EYS: variants seen among roughly 807,000 people sequenced by gnomAD.
EYS encodes the protein EGF-like photoreceptor maintenance factor, also known as protein eyes shut homolog.
In EYS, 250 loss-of-function variants were observed where a neutral mutation model predicts 282.1. The ratio of observed to expected loss-of-function variants is 0.89; its 90% CI spans 0.80 to 0.98. The LOEUF is 0.98. Ranked by LOEUF, EYS falls within the 50% of genes least tolerant of loss-of-function variation. EYS has a pLI of 0.00. For missense variants in EYS, 4,016 were observed against 3,709.0 expected (o/e 1.08, Z -2.15); for synonymous variants, 1,355 against 1,282.9 (o/e 1.06, Z -1.20).
chr6:64,476,776 A>C (rs2150496256), intron 26 of EYS, among the ~76,000 whole-genome samples: 1 of 152,270 alleles, frequency 6.6e-6, no homozygotes, highest in African/African-American at 2.4e-5. Flanking sequence ...CACTTGTATA[A>C]ATTTTCTGAT....
At chr6:64,097,887 T>C (rs1772686514) in intron 31 of EYS, among the ~76,000 whole-genome samples, 2 of 152,176 alleles carry the variant, frequency 1.3e-5, no homozygotes, top group Non-Finnish European at 2.9e-5. Flanking sequence ...AAAAGAGACA[T>C]TTTGGCAAAA....
chr6:64,465,839 T>C (rs1420376003), intron 26 of EYS, among the ~76,000 whole-genome samples: 3 of 152,044 alleles, frequency 2.0e-5, no homozygotes, highest in Non-Finnish European at 2.9e-5. Flanking sequence ...GAGAAAATAT[T>C]TGGAAACCAT....
chr6:64,717,640 C>A (rs1403196369), intron 22 of EYS, among the ~76,000 whole-genome samples: 1 of 152,142 alleles, frequency 6.6e-6, no homozygotes, highest in African/African-American at 2.4e-5. Context: ...TGAACTGGCA[C>A]CCCTAGTTTA....
At chr6:64,073,685 A>C (rs1156713950) in intron 32 of EYS, among the ~76,000 whole-genome samples, 3 of 151,806 alleles carry the variant, frequency 2.0e-5, no homozygotes, top group African/African-American at 7.2e-5. Flanking sequence ...TGGATTGAGT[A>C]ATCCATATGT....
chr6:63,826,845 C>CAAAAAAAAAAAAAAAAAGAAAAAAAAA (rs1771475400), intron 36 of EYS, among the ~76,000 whole-genome samples: 2 of 76,762 alleles, frequency 2.6e-5, no homozygotes, highest in African/African-American at 5.1e-5. Flanking sequence ...AGTTAAAAAG[C>CAAAAAAAAAAAAAAAAAGAAAAAAAAA]AAAAAAAAAA....
At chr6:65,587,819 G>T (rs1267843935) in intron 2 of EYS, among the ~76,000 whole-genome samples, 5 of 152,036 alleles carry the variant, frequency 3.3e-5, no homozygotes, top group Non-Finnish European at 4.4e-5. Context: ...TTCAATGTAA[G>T]TATAAATTTG....
At chr6:63,735,031 G>C (rs879324708) in intron 41 of EYS, among the ~76,000 whole-genome samples, 12 of 151,978 alleles carry the variant, frequency 7.9e-5, no homozygotes, top group Non-Finnish European at 1.5e-4. Context: ...AAATACAAAA[G>C]AATTGATATT....
At chr6:64,956,661 G>A (rs185710088) in intron 14 of EYS, among the ~76,000 whole-genome samples, 2 of 152,076 alleles carry the variant, frequency 1.3e-5, no homozygotes, top group East Asian at 3.9e-4. Context: ...CAGAATGAGA[G>A]GAAAATTTTT....
chr6:64,097,421 G>T (rs1422364397), intron 31 of EYS, among the ~76,000 whole-genome samples: 1 of 152,148 alleles, frequency 6.6e-6, no homozygotes, highest in Non-Finnish European at 1.5e-5. Context: ...CTTCCTGGCT[G>T]CTTTATTTAC....
intron 19 of EYS, among the ~76,000 whole-genome samples, chr6:64,867,081 C>T (rs940583125): frequency 6.6e-6 from 1 of 151,676 alleles, no homozygotes; most frequent in African/African-American, 2.4e-5. Context: ...AAATTTAGAA[C>T]ATAGCTATCA....
chr6:65,392,043 C>G (rs912559874), intron 7 of EYS, among the ~76,000 whole-genome samples: 10 of 152,074 alleles, frequency 6.6e-5, no homozygotes, highest in Non-Finnish European at 1.5e-4. Context: ...TGATCTTTGA[C>G]AAACCTGAGA....
At chr6:63,879,253 G>A (rs924880888) in intron 35 of EYS, among the ~76,000 whole-genome samples, 9 of 152,120 alleles carry the variant, frequency 5.9e-5, no homozygotes, top group African/African-American at 1.7e-4. Flanking sequence ...ATTATTTGAT[G>A]TATCCATGGA....
At chr6:64,744,699 A>G (rs2149963990) in intron 22 of EYS, among the ~76,000 whole-genome samples, 1 of 152,320 alleles carries the variant, frequency 6.6e-6, no homozygotes, top group East Asian at 1.9e-4. Flanking sequence ...TAGAGTGTAT[A>G]CACTGAAAAA....
At chr6:65,624,330 T>C (rs904091877) in intron 2 of EYS, among the ~76,000 whole-genome samples, 2 of 152,174 alleles carry the variant, frequency 1.3e-5, no homozygotes, top group African/African-American at 4.8e-5. Flanking sequence ...CCTATGAATA[T>C]GTCAGCTTAC....
chr6:65,083,326 G>A (rs1402629704), intron 12 of EYS, among the ~76,000 whole-genome samples: 1 of 151,812 alleles, frequency 6.6e-6, no homozygotes, highest in Admixed American at 6.6e-5. Context: ...TTTAAACAGT[G>A]TATTTTTCTC....
chr6:65,177,296 A>G (rs1480082502), intron 12 of EYS, among the ~76,000 whole-genome samples: 3 of 151,894 alleles, frequency 2.0e-5, no homozygotes, highest in Non-Finnish European at 4.4e-5. Flanking sequence ...ATTGGCCACT[A>G]GAAATAATTT....
intron 12 of EYS, among the ~76,000 whole-genome samples, chr6:65,107,094 A>G (rs1052520888): frequency 2.6e-5 from 4 of 152,026 alleles, no homozygotes; most frequent in African/African-American, 7.2e-5. Context: ...CTCAATAGGT[A>G]AGGGATACAG....
intron 2 of EYS, among the ~76,000 whole-genome samples, chr6:65,618,074 G>A (rs2149799492): frequency 6.6e-6 from 1 of 152,226 alleles, no homozygotes; most frequent in South Asian, 2.1e-4. Context: ...ACCCAGTAAT[G>A]GGATGGCTGG....
intron 5 of EYS, among the ~76,000 whole-genome samples, chr6:65,430,698 A>G (rs1479979707): frequency 6.6e-6 from 1 of 152,172 alleles, no homozygotes; most frequent in Non-Finnish European, 1.5e-5. Flanking sequence ...TTGATCAGCC[A>G]CAGGATAGGA....
Sources: gnomAD v4.1 joint callset for allele counts (sites outside exome capture counted in the v4.1 genomes callset) on GRCh38, gnomAD v4.1.1 for gene constraint, MANE v1.5 for transcripts, NCBI Gene and HGNC (gene_info 2026-07-23, HGNC 2026-07-21) for gene names.